PUDP: variants seen among roughly 807,000 people sequenced by gnomAD.
PUDP encodes pseudouridine-5'-phosphatase.
PUDP carries 8 observed loss-of-function variants against 9.4 expected under a neutral mutation model. The observed-to-expected ratio is 0.85, with a 90% CI of 0.50 to 1.53. The LOEUF is 1.53. PUDP is among the 40% of genes most tolerant of loss of function. PUDP has a pLI of 0.00. For missense variants in PUDP, 188 were observed against 189.7 expected (o/e 0.99, Z 0.05); for synonymous variants, 99 against 80.7 (o/e 1.23, Z -1.22).
At chrX:6,707,833 C>T (rs143162034) in intron 1 of PUDP, among the ~76,000 whole-genome samples, 1,719 of 112,133 alleles carry the variant, frequency 0.015, 18 homozygotes, top group Non-Finnish European at 0.021. Flanking sequence ...AACAGAGTAA[C>T]AAGAAACATG....
chrX:6,784,995 C>T (rs1296900391), intron 3 of PUDP, among the ~76,000 whole-genome samples: 1 of 112,327 alleles, frequency 8.9e-6, no homozygotes, highest in Non-Finnish European at 1.9e-5. Context: ...CCCACATAAC[C>T]CAGTGCAATC....
At chrX:7,139,272 G>A (rs184752375) in intron 1 of PUDP, among the ~76,000 whole-genome samples, 14 of 112,027 alleles carry the variant, frequency 1.2e-4, no homozygotes, top group Middle Eastern at 4.6e-3. Context: ...TTCCTCTAGA[G>A]TTGTGCTGTC....
intron 3 of PUDP, among the ~76,000 whole-genome samples, chrX:6,866,331 C>G (rs1927085564): frequency 9.3e-6 from 1 of 108,066 alleles, no homozygotes; most frequent in Admixed American, 1.0e-4. Flanking sequence ...TTTAAAAATT[C>G]ATAAATAGAA....
At chrX:6,887,751 TC>T (rs745768887) in intron 3 of PUDP, among the ~76,000 whole-genome samples, 1 of 112,026 alleles carries the variant, frequency 8.9e-6, no homozygotes, top group Non-Finnish European at 1.9e-5. Context: ...GAAATCCACA[TC>T]TTCACCTTCA....
chrX:7,072,545 G>A (rs1930768005), intron 3 of PUDP, among the ~76,000 whole-genome samples: 1 of 111,821 alleles, frequency 8.9e-6, no homozygotes, highest in South Asian at 3.7e-4. Flanking sequence ...CCGGAACAGT[G>A]GCTCACTCCT....
intron 1 of PUDP, among the ~76,000 whole-genome samples, chrX:7,132,995 C>T (rs1397556713): frequency 8.9e-6 from 1 of 111,919 alleles, no homozygotes; most frequent in African/African-American, 3.3e-5. Context: ...GCTGGAATGA[C>T]ACAGAAGTGG....
At chrX:7,081,559 G>C (rs1250232494) in intron 2 of PUDP, among the ~76,000 whole-genome samples, 1 of 112,684 alleles carries the variant, frequency 8.9e-6, no homozygotes, top group Non-Finnish European at 1.9e-5. Flanking sequence ...CTGGAATGCA[G>C]CTCAACATTC....
At chrX:7,147,943 C>CA in intron 1 of PUDP, 110 bp downstream of exon 1, 3 of 618,885 alleles carry the variant, frequency 4.8e-6, no homozygotes, top group Non-Finnish European at 7.5e-6. Context: ...AGCGTCCCTG[C>CA]ATGAACACCG....
intron 3 of PUDP, among the ~76,000 whole-genome samples, chrX:7,066,507 C>T (rs1930558190): frequency 9.0e-6 from 1 of 110,930 alleles, no homozygotes; most frequent in Non-Finnish European, 1.9e-5. Context: ...GCACACAACT[C>T]AGATCCCCTG....
rs1930049470 is a variant in PUDP, at chrX:7,049,977, T to TA, written c.*318dup. On this transcript the variant is annotated 3_prime_UTR_variant, in exon 4 of 4. Coordinates refer to ENST00000381077, the MANE Select transcript of PUDP (RefSeq NM_012080.5). ...TACCAAACTGATACACACATGTATATATGGAGGTGTGTGTGTATATACATG... is the reference window on the plus strand; with the variant it reads ...TACCAAACTGATACACACATGTATATAATGGAGGTGTGTGTGTATATACATG... 1 of 230,204 alleles carries TA rather than the reference T, an allele frequency of 4.3e-6. No homozygotes were observed. The highest frequency in any genetic ancestry group is 7.8e-6 in the Non-Finnish European group (1 of 127,995). The allele number at this position is 230,204 out of a possible 1,213,427, so 19.0% of individuals were successfully genotyped here.
intron 1 of PUDP, among the ~76,000 whole-genome samples, chrX:6,982,413 T>C: frequency 9.0e-6 from 1 of 110,722 alleles, no homozygotes; most frequent in Admixed American, 9.6e-5. Context: ...GTAGGGGGCA[T>C]GCTATTGGTT....
At chrX:6,944,762 A>C (rs931701566) in intron 3 of PUDP, among the ~76,000 whole-genome samples, 9 of 111,453 alleles carry the variant, frequency 8.1e-5, no homozygotes, top group African/African-American at 2.6e-4. Context: ...TGTAGACCTC[A>C]GACAAGGGGC....
chrX:6,768,558 G>C (rs1489900239), intron 3 of PUDP, among the ~76,000 whole-genome samples: 1 of 111,361 alleles, frequency 9.0e-6, no homozygotes, highest in Non-Finnish European at 1.9e-5. Context: ...ATTGATGTTG[G>C]CTGTTATTAT....
At chrX:6,953,116 A>C (rs1310319729) in intron 3 of PUDP, among the ~76,000 whole-genome samples, 1 of 111,745 alleles carries the variant, frequency 8.9e-6, no homozygotes, top group Admixed American at 9.5e-5. Flanking sequence ...TGGTAAAGAC[A>C]GTGTCTGTGA....
At chrX:6,887,353 T>C (rs1346679388) in intron 3 of PUDP, among the ~76,000 whole-genome samples, 1 of 109,846 alleles carries the variant, frequency 9.1e-6, no homozygotes, top group African/African-American at 3.3e-5. Flanking sequence ...AGAAACCTCC[T>C]TGAATTTTTA....
chrX:6,816,203 T>C (rs1359343070), intron 3 of PUDP, among the ~76,000 whole-genome samples: 5 of 106,333 alleles, frequency 4.7e-5, no homozygotes, highest in Non-Finnish European at 5.8e-5. Context: ...GAATTAGCTA[T>C]ACATACATAT....
At chrX:7,098,843 A>C (rs1340573908) in intron 2 of PUDP, among the ~76,000 whole-genome samples, 1 of 107,590 alleles carries the variant, frequency 9.3e-6, no homozygotes, top group Non-Finnish European at 1.9e-5. Context: ...AAGGGCCAAG[A>C]GATGCAGGGG....
chrX:7,102,712 C>G (rs759947840), intron 2 of PUDP, among the ~76,000 whole-genome samples: 1 of 109,527 alleles, frequency 9.1e-6, no homozygotes, highest in East Asian at 2.9e-4. Context: ...AAAAAAAACC[C>G]AATTGTTAGA....
At position 6,982,385 on chromosome X, in the gene PUDP, TG is replaced by T. The variant is rs199880283; in HGVS notation, c.205-4043del. ...GGTTGGAGGTTTTTCCAAGATAGTT[TG>T]GTGGGCAGGGACTAGTGTAGGGGGC... On this transcript the variant is annotated intron_variant and NMD_transcript_variant, in intron 1 of 3. Transcript: ENST00000655425. 1.2e-3 allele frequency among the ~76,000 whole-genome samples: 129 copies of T among 111,001 alleles called. 1 individual carries two copies. In the East Asian group the frequency reaches 0.034, roughly 29 times the overall value.
Sources: allele counts gnomAD v4.1 joint callset (sites outside exome capture counted in the v4.1 genomes callset), GRCh38; gene constraint gnomAD v4.1.1; transcripts MANE v1.5; gene names NCBI Gene and HGNC (gene_info 2026-07-23, HGNC 2026-07-21).